The following TENM2 variants were observed in gnomAD, a reference collection of about 807,000 sequenced individuals.
TENM2 encodes teneurin transmembrane protein 2.
A neutral mutation model predicts 245.2 loss-of-function variants in TENM2; 52 were observed. The observed-to-expected ratio is 0.21, with a 90% CI of 0.17 to 0.27. TENM2 has a LOEUF of 0.27. Among genes scored for constraint, TENM2 ranks in the 10% least tolerant of loss-of-function variants. The pLI is 1.00. For missense variants in TENM2, 3,046 were observed against 3,666.8 expected (o/e 0.83, Z 4.37); for synonymous variants, 1,363 against 1,438.9 (o/e 0.95, Z 1.19).
At chr5:167,097,050 G>C in the TENM2 span, among the ~76,000 whole-genome samples, 1 of 152,092 alleles carries the variant, frequency 6.6e-6, no homozygotes, top group Non-Finnish European at 1.5e-5. Context: ...AGACTTCACT[G>C]TCTGCTGCGT....
chr5:168,064,964 G>C (rs1179232278), intron 7 of TENM2, among the ~76,000 whole-genome samples: 1 of 152,182 alleles, frequency 6.6e-6, no homozygotes, highest in African/African-American at 2.4e-5. Context: ...TTTCCTCAAG[G>C]AGACAGTGCT....
chr5:167,008,675 G>T, the TENM2 span, among the ~76,000 whole-genome samples: 7 of 152,158 alleles, frequency 4.6e-5, no homozygotes, highest in African/African-American at 1.7e-4. Context: ...TCTTCCATTT[G>T]TCATTTGTTT....
At chr5:167,312,081 G>T (rs1160217235) in intron 1 of TENM2, among the ~76,000 whole-genome samples, 1 of 152,018 alleles carries the variant, frequency 6.6e-6, no homozygotes, top group African/African-American at 2.4e-5. Flanking sequence ...AGGCTTAATT[G>T]TTTTCCCTTG....
In TENM2 at chr5:168,109,576, C is replaced by T. The variant is rs116225236; in HGVS notation, c.1814-8716C>T. On this transcript the variant is annotated intron_variant, in intron 9 of 28. Coordinates refer to ENST00000518659, the Ensembl canonical transcript of TENM2. ...CTGTTAACACACAGATTGCTGGGCTCCACCCGGAATTTCTGATTCAGTAGG... is the reference window on the plus strand; with the variant it reads ...CTGTTAACACACAGATTGCTGGGCTTCACCCGGAATTTCTGATTCAGTAGG... 7.8e-3 allele frequency among the ~76,000 whole-genome samples: 1,186 copies of T among 152,308 alleles called. 12 individuals are homozygous for T. Among genetic ancestry groups the T allele is most frequent in the African/African-American group, 0.027 (1,119 of 41,554 alleles).
intron 3 of TENM2, among the ~76,000 whole-genome samples, chr5:167,943,287 A>C (rs967942117): frequency 3.1e-5 from 4 of 127,888 alleles, no homozygotes; most frequent in African/African-American, 1.2e-4. Flanking sequence ...TGTAGATCAG[A>C]GTTTGTTTCC....
intron 13 of TENM2, among the ~76,000 whole-genome samples, chr5:168,173,454 A>G (rs1759038963): frequency 6.6e-6 from 1 of 152,118 alleles, no homozygotes; most frequent in African/African-American, 2.4e-5. Context: ...ATGAGTGGAG[A>G]TGCCTAGGGT....
At chr5:167,191,203 T>C in the TENM2 span, among the ~76,000 whole-genome samples, 6 of 152,126 alleles carry the variant, frequency 3.9e-5, no homozygotes, top group East Asian at 3.9e-4. Flanking sequence ...ATCACACACA[T>C]ATATATACAC....
At chr5:167,273,458 G>T in the TENM2 span, among the ~76,000 whole-genome samples, 1 of 152,074 alleles carries the variant, frequency 6.6e-6, no homozygotes, top group African/African-American at 2.4e-5. Flanking sequence ...CACATGAATT[G>T]TTGACCTTAA....
intron 2 of TENM2, among the ~76,000 whole-genome samples, chr5:167,556,387 C>G (rs1453710442): frequency 1.4e-5 from 2 of 147,098 alleles, no homozygotes; most frequent in Non-Finnish European, 3.0e-5. Flanking sequence ...GTCTACAGTT[C>G]AGTTTCTCTT....
intron 13 of TENM2, among the ~76,000 whole-genome samples, chr5:168,169,810 G>A (rs1278142068): frequency 6.6e-6 from 1 of 152,114 alleles, no homozygotes; most frequent in Non-Finnish European, 1.5e-5. Flanking sequence ...GTTGGGTGGG[G>A]GACAGCTTAA....
At chr5:167,430,588 C>G (rs539398700) in intron 2 of TENM2, among the ~76,000 whole-genome samples, 2 of 152,160 alleles carry the variant, frequency 1.3e-5, no homozygotes, top group African/African-American at 4.8e-5. Flanking sequence ...GCCATCACAA[C>G]TAGAATAACC....
chr5:167,163,895 A>T, the TENM2 span, among the ~76,000 whole-genome samples: 67 of 152,294 alleles, frequency 4.4e-4, no homozygotes, highest in African/African-American at 1.6e-3. Context: ...GATGAGGCAA[A>T]GGTGCAGTCT....
chr5:167,309,832 T>C (rs1163126352), intron 1 of TENM2: 1 of 152,006 alleles, frequency 6.6e-6, no homozygotes, highest in Non-Finnish European at 1.5e-5. Flanking sequence ...AAAAGCACGG[T>C]ATTATGGGAG....
chr5:167,726,594 G>A (rs191296692), intron 2 of TENM2, among the ~76,000 whole-genome samples: 42 of 152,250 alleles, frequency 2.8e-4, no homozygotes, highest in Non-Finnish European at 4.3e-4. Flanking sequence ...AAGTAGCTGG[G>A]ACTACAGGCA....
intron 2 of TENM2, among the ~76,000 whole-genome samples, chr5:167,698,064 G>A (rs563895330): frequency 6.6e-6 from 1 of 152,110 alleles, no homozygotes; most frequent in East Asian, 1.9e-4. Context: ...ATCTCCAAAT[G>A]CCACAGAGAG....
upstream of TENM2, among the ~76,000 whole-genome samples, chr5:167,283,379 T>C (rs1771164040): frequency 6.6e-6 from 1 of 152,092 alleles, no homozygotes; most frequent in Non-Finnish European, 1.5e-5. Context: ...AACAAAATTG[T>C]CCACAATTAC....
chr5:167,047,778 C>A, the TENM2 span, among the ~76,000 whole-genome samples: 20 of 152,046 alleles, frequency 1.3e-4, no homozygotes, highest in African/African-American at 3.6e-4. Flanking sequence ...ATTGTGAAAA[C>A]CAGTTGTGTG....
the TENM2 span, among the ~76,000 whole-genome samples, chr5:167,173,202 C>T: frequency 1.8e-3 from 278 of 152,278 alleles, 7 homozygotes; most frequent in Admixed American, 0.017. Context: ...TTGGACTGTG[C>T]TCTTTTTAAA....
intron 2 of TENM2, among the ~76,000 whole-genome samples, chr5:167,440,271 A>G (rs6892582): frequency 0.011 from 1,713 of 152,310 alleles, 31 homozygotes; most frequent in African/African-American, 0.039. Context: ...TCCATAATAC[A>G]ATGAGTTTCC....
Sources: gnomAD v4.1 joint callset for allele counts (sites outside exome capture counted in the v4.1 genomes callset) on GRCh38, gnomAD v4.1.1 for gene constraint, MANE v1.5 for transcripts, NCBI Gene and HGNC (gene_info 2026-07-23, HGNC 2026-07-21) for gene names.